Variants in RBKS observed in about 807,000 individuals in gnomAD.
RBKS encodes ribokinase.
In RBKS, 33 loss-of-function variants were observed where a neutral mutation model predicts 33.9. The ratio of observed to expected loss-of-function variants is 0.97; its 90% CI spans 0.74 to 1.30. The LOEUF is 1.30. RBKS is among the 50% of genes most tolerant of loss of function. The pLI is 0.00. For synonymous variants in RBKS, 125 were observed against 143.0 expected (o/e 0.87, Z 0.90); for missense variants, 361 against 392.6 (o/e 0.92, Z 0.68).
intron 7 of RBKS, among the ~76,000 whole-genome samples, chr2:27,801,874 G>A (rs1257511336): frequency 4.3e-5 from 6 of 139,212 alleles, no homozygotes; most frequent in African/African-American, 1.6e-4. Flanking sequence ...GTCTCACTCT[G>A]TCACCCATGG....
chr2:27,861,947 ATTTTT>A (rs763090773), intron 1 of RBKS, among the ~76,000 whole-genome samples: 4 of 113,724 alleles, frequency 3.5e-5, no homozygotes, highest in African/African-American at 1.4e-4. Flanking sequence ...GCCTGGCCTG[ATTTTT>A]TTTTTTTTTT....
At chr2:27,823,635 G>T (rs1157426422) in intron 7 of RBKS, among the ~76,000 whole-genome samples, 1 of 152,180 alleles carries the variant, frequency 6.6e-6, no homozygotes, top group South Asian at 2.1e-4. Flanking sequence ...AGGCTGCACA[G>T]CTGTGTGCAG....
chr2:27,888,363 G>T (rs1250648996), intron 1 of RBKS, among the ~76,000 whole-genome samples: 1 of 152,114 alleles, frequency 6.6e-6, no homozygotes, highest in Non-Finnish European at 1.5e-5. Flanking sequence ...CCTCACTCAG[G>T]TGATCTGCCC....
At chr2:27,839,554 T>A (rs1239301335) in intron 5 of RBKS, among the ~76,000 whole-genome samples, 2 of 152,214 alleles carry the variant, frequency 1.3e-5, no homozygotes, top group Non-Finnish European at 2.9e-5. Context: ...AGACAGTATA[T>A]TCAAAGATGT....
At chr2:27,789,400 CTTT>C (rs569506674) in intron 7 of RBKS, among the ~76,000 whole-genome samples, 12 of 130,190 alleles carry the variant, frequency 9.2e-5, no homozygotes, top group Non-Finnish European at 8.3e-5. Context: ...GATTTTGAAG[CTTT>C]TTTTTTTTTT....
At chr2:27,872,206 G>C (rs1290911221) in intron 1 of RBKS, among the ~76,000 whole-genome samples, 1 of 152,090 alleles carries the variant, frequency 6.6e-6, no homozygotes, top group East Asian at 1.9e-4. Flanking sequence ...TGCTCTACAG[G>C]CTTAATGAGC....
chr2:27,810,621 G>A lies in RBKS; in HGVS notation c.795+16946C>T, dbSNP rs1054881576. On this transcript the variant is annotated intron_variant, in intron 7 of 7. Transcript: ENST00000302188. The surrounding 1 kb of genome is among the most constrained non-coding windows in gnomAD (Gnocchi z 4.4). ...ATGCTGAAAACCACTCAGACTGACA[G>A]AATGATCTGTTTGTTTCAACTATGA... Among the ~76,000 whole-genome samples, 11 of 152,188 alleles carry A rather than the reference G, an allele frequency of 7.2e-5. No homozygotes were observed. The highest frequency in any genetic ancestry group is 2.1e-4 in the South Asian group (1 of 4,830).
At chr2:27,823,121 GAA>G (rs1678242315) in intron 7 of RBKS, among the ~76,000 whole-genome samples, 1 of 152,200 alleles carries the variant, frequency 6.6e-6, no homozygotes, top group South Asian at 2.1e-4. Context: ...CAGGTTGGAA[GAA>G]GAGAGGGCGG....
intron 7 of RBKS, among the ~76,000 whole-genome samples, chr2:27,800,862 G>A (rs1176256826): frequency 1.3e-5 from 2 of 152,184 alleles, no homozygotes; most frequent in Non-Finnish European, 2.9e-5. Flanking sequence ...TTCCAGCCAT[G>A]GTCAACATTG....
chr2:27,816,315 A>G (rs181982366), intron 7 of RBKS, among the ~76,000 whole-genome samples: 240 of 152,372 alleles, frequency 1.6e-3, no homozygotes, highest in Non-Finnish European at 2.4e-3. Context: ...CCCCCTGGGC[A>G]TGACAGATGT....
intron 7 of RBKS, among the ~76,000 whole-genome samples, chr2:27,787,750 G>A (rs1677431148): frequency 6.6e-6 from 1 of 152,140 alleles, no homozygotes; most frequent in African/African-American, 2.4e-5. Context: ...TATAATGCTA[G>A]TGTCACCATG....
At chr2:27,840,531 TCG>T (rs924241301) in intron 5 of RBKS, among the ~76,000 whole-genome samples, 1 of 151,632 alleles carries the variant, frequency 6.6e-6, no homozygotes, top group African/African-American at 2.4e-5. Context: ...GCATGTGTGT[TCG>T]TGTGTGTGTG....
chr2:27,782,400 TC>T (rs1335415691), intron 7 of RBKS, among the ~76,000 whole-genome samples: 1 of 152,012 alleles, frequency 6.6e-6, no homozygotes, highest in Non-Finnish European at 1.5e-5. Flanking sequence ...GCCTGCCTGG[TC>T]TTGAACTGCT....
intron 7 of RBKS, among the ~76,000 whole-genome samples, chr2:27,825,441 T>C (rs1378447851): frequency 6.6e-6 from 1 of 152,242 alleles, no homozygotes; most frequent in East Asian, 1.9e-4. Flanking sequence ...AACATTTTCC[T>C]CAGTTTCCTA....
intron 1 of RBKS, among the ~76,000 whole-genome samples, chr2:27,887,422 T>C (rs1664557734): frequency 6.6e-6 from 1 of 152,252 alleles, no homozygotes; most frequent in African/African-American, 2.4e-5. Context: ...GCGTTAATTA[T>C]TAAATTTGGT....
At chr2:27,819,857 A>C (rs1678163774) in intron 7 of RBKS, among the ~76,000 whole-genome samples, 1 of 152,246 alleles carries the variant, frequency 6.6e-6, no homozygotes, top group Admixed American at 6.5e-5. Context: ...TTTCTGAGGA[A>C]TGGTTTCTTT....
At chr2:27,847,006 C>G (rs1663634563) in intron 4 of RBKS, 36 bp downstream of exon 4, 1 of 1,429,388 alleles carries the variant, frequency 7.0e-7, no homozygotes, top group African/African-American at 1.4e-5. Context: ...AATACACTGT[C>G]TTATGAAATG....
At chr2:27,821,802 A>G (rs1678216502) in intron 7 of RBKS, among the ~76,000 whole-genome samples, 1 of 152,192 alleles carries the variant, frequency 6.6e-6, no homozygotes, top group Non-Finnish European at 1.5e-5. Context: ...GGATAAGAAA[A>G]ATTGACAGTG....
intron 7 of RBKS, among the ~76,000 whole-genome samples, chr2:27,803,161 G>A (rs972035500): frequency 3.9e-5 from 6 of 152,084 alleles, no homozygotes; most frequent in African/African-American, 1.4e-4. Flanking sequence ...TCTCTTATCA[G>A]TGCATATTTC....
Sources: gnomAD v4.1 joint callset for allele counts (sites outside exome capture counted in the v4.1 genomes callset) on GRCh38, gnomAD v4.1.1 for gene constraint, Gnocchi (gnomAD v3.1) non-coding constraint, MANE v1.5 for transcripts, NCBI Gene and HGNC (gene_info 2026-07-23, HGNC 2026-07-21) for gene names.